Variants in VPS13B observed in about 807,000 individuals in gnomAD.
VPS13B encodes intermembrane lipid transfer protein VPS13B.
In VPS13B, 285 loss-of-function variants were observed where a neutral mutation model predicts 426.4. The observed-to-expected ratio is 0.67, with a 90% CI of 0.61 to 0.74. The LOEUF (loss-of-function observed/expected upper bound fraction) is 0.74, where lower values mean the gene tolerates loss of function less well. VPS13B is among the 30% of genes least tolerant of loss of function. The pLI is 0.00. For synonymous variants in VPS13B, 1,676 were observed against 1,676.4 expected (o/e 1.00, Z 0.01); for missense variants, 4,537 against 4,782.6 (o/e 0.95, Z 1.51).
intron 44 of VPS13B, among the ~76,000 whole-genome samples, chr8:99,814,844 G>A (rs1272920487): frequency 6.6e-6 from 1 of 152,130 alleles, no homozygotes; most frequent in African/African-American, 2.4e-5. Context: ...GTTATAAAGA[G>A]CAGCCCTTAC....
intron 39 of VPS13B, among the ~76,000 whole-genome samples, chr8:99,721,527 A>T (rs1400039305): frequency 1.3e-5 from 2 of 152,208 alleles, no homozygotes; most frequent in Admixed American, 1.3e-4. Context: ...ACCTGTGATC[A>T]TATTCCCTAA....
intron 6 of VPS13B, among the ~76,000 whole-genome samples, chr8:99,114,243 T>A (rs149824621): frequency 6.6e-6 from 1 of 152,220 alleles, no homozygotes; most frequent in African/African-American, 2.4e-5. Context: ...GGAGTGCCTA[T>A]GTCATACTCT....
chr8:99,361,631 G>T (rs895664552), intron 19 of VPS13B, among the ~76,000 whole-genome samples: 1 of 152,010 alleles, frequency 6.6e-6, no homozygotes, highest in African/African-American at 2.4e-5. Flanking sequence ...CTCTCCTTGC[G>T]CACAGGACAC....
At chr8:99,274,929 A>T in intron 18 of VPS13B, 152 bp from the exon 19 acceptor site, 1 of 656,184 alleles carries the variant, frequency 1.5e-6, no homozygotes, top group Non-Finnish European at 2.3e-6. Context: ...AATGCTTTAC[A>T]TTTTATGAGA....
intron 34 of VPS13B, among the ~76,000 whole-genome samples, chr8:99,649,237 T>G (rs1372618928): frequency 1.3e-5 from 2 of 152,148 alleles, no homozygotes; most frequent in South Asian, 2.1e-4. Flanking sequence ...CTGATCTTCT[T>G]GACTGTAAAT....
chr8:99,026,871 T>C (rs1490753092), intron 2 of VPS13B, among the ~76,000 whole-genome samples: 2 of 152,170 alleles, frequency 1.3e-5, no homozygotes, highest in Admixed American at 6.5e-5. Flanking sequence ...TCTTGTTTTA[T>C]TTATTTTTTT....
rs1474823992 is a variant in VPS13B at position 99,875,575 on chromosome 8, A to G, written c.11903A>G (p.Tyr3968Cys). The change falls in exon 62 of 62, where the codon TAC (tyrosine) becomes TGC (cysteine). Residue 3968 changes from tyrosine (Y) to cysteine (C), a missense_variant. By Grantham distance (194) the Tyr-to-Cys change is radical (BLOSUM62 -2). Coordinates refer to ENST00000357162, the MANE Select transcript of VPS13B (RefSeq NM_152564.5). ...AEPPPSTVKT[Y>C]HYLVDPHFAQ... Reference sequence around the variant, plus strand: ...CCTCCCCCCTCCACTGTTAAAACATACCATTACCTGGTTGATCCACATTTT... The same window carrying G: ...CCTCCCCCCTCCACTGTTAAAACATGCCATTACCTGGTTGATCCACATTTT... The G allele has an allele frequency of 6.2e-7, 1 of 1,614,154 alleles. No homozygotes were observed. The highest frequency in any genetic ancestry group is 8.5e-7 in the Non-Finnish European group (1 of 1,180,024).
At chr8:99,076,436 C>T (rs1845125515) in intron 3 of VPS13B, among the ~76,000 whole-genome samples, 2 of 151,968 alleles carry the variant, frequency 1.3e-5, no homozygotes, top group African/African-American at 4.8e-5. Context: ...ATGATATGTC[C>T]CATGCTGAGA....
intron 19 of VPS13B, among the ~76,000 whole-genome samples, chr8:99,328,391 C>CTA (rs1264152711): frequency 1.3e-5 from 2 of 152,120 alleles, no homozygotes; most frequent in African/African-American, 4.8e-5. Context: ...TCTGTGGGAA[C>CTA]TATTACTTTT....
intron 12 of VPS13B, among the ~76,000 whole-genome samples, chr8:99,139,672 C>T (rs866343319): frequency 5.9e-5 from 9 of 151,892 alleles, no homozygotes; most frequent in African/African-American, 1.9e-4. Flanking sequence ...CTCCTGACCT[C>T]GTGATCCACC....
intron 19 of VPS13B, among the ~76,000 whole-genome samples, chr8:99,361,520 C>G (rs569346832): frequency 6.6e-6 from 1 of 152,260 alleles, no homozygotes; most frequent in South Asian, 2.1e-4. Flanking sequence ...TCCTTAAAGA[C>G]CTGCTATAAA....
intron 17 of VPS13B, among the ~76,000 whole-genome samples, chr8:99,210,688 T>C (rs1033749969): frequency 7.2e-5 from 11 of 152,092 alleles, no homozygotes; most frequent in African/African-American, 2.7e-4. Context: ...TCACTGCAAC[T>C]TCAGCCTCCT....
At position 99,352,579 on chromosome 8, in the gene VPS13B, A is replaced by G. The variant is rs1020296610; in HGVS notation, c.2825-31629A>G. Among the ~76,000 whole-genome samples, 9 of 152,184 alleles carry G rather than the reference A, an allele frequency of 5.9e-5. 1 individual carries two copies. The highest frequency in any genetic ancestry group is 9.6e-5 in the African/African-American group (4 of 41,454). On this transcript the variant is annotated intron_variant, in intron 19 of 61. Transcript: ENST00000357162. Reference sequence around the variant, plus strand: ...CTGGGCGCAGTGGCTCACGCCTGTAATCCCAGCACTGAGGTGGGCAGATCG... The same window carrying G: ...CTGGGCGCAGTGGCTCACGCCTGTAGTCCCAGCACTGAGGTGGGCAGATCG...
At chr8:99,326,165 T>G (rs1039367510) in intron 19 of VPS13B, among the ~76,000 whole-genome samples, 4 of 152,118 alleles carry the variant, frequency 2.6e-5, no homozygotes, top group Admixed American at 2.0e-4. Context: ...GGGGAGATAG[T>G]GACTCAAATA....
chr8:99,029,614 A>G (rs1269356470), intron 2 of VPS13B, among the ~76,000 whole-genome samples: 1 of 152,090 alleles, frequency 6.6e-6, no homozygotes, highest in East Asian at 1.9e-4. Flanking sequence ...TCCACCAAAA[A>G]AAAAAACGAA....
At chr8:99,695,589 C>T (rs537873747) in intron 35 of VPS13B, among the ~76,000 whole-genome samples, 122 of 142,844 alleles carry the variant, frequency 8.5e-4, no homozygotes, top group African/African-American at 3.1e-3. Flanking sequence ...GGGAGATATA[C>T]CTAATGCTAG....
At chr8:99,734,553 C>T (rs1191203844) in intron 39 of VPS13B, among the ~76,000 whole-genome samples, 1 of 152,140 alleles carries the variant, frequency 6.6e-6, no homozygotes, top group African/African-American at 2.4e-5. Flanking sequence ...AGACTTAAAG[C>T]ATGATAGTGG....
chr8:99,122,136 G>A (rs932032873), intron 8 of VPS13B, among the ~76,000 whole-genome samples: 2 of 151,502 alleles, frequency 1.3e-5, no homozygotes, highest in African/African-American at 4.8e-5. Context: ...TAGGATTACA[G>A]GTGTTAGCTA....
chr8:99,465,133 G>A (rs1172435537), intron 23 of VPS13B, among the ~76,000 whole-genome samples: 2 of 152,088 alleles, frequency 1.3e-5, no homozygotes, highest in East Asian at 3.8e-4. Context: ...AATAGTATGT[G>A]GTTCTGGCCA....
Sources: gnomAD v4.1 joint callset for allele counts (sites outside exome capture counted in the v4.1 genomes callset) on GRCh38, gnomAD v4.1.1 for gene constraint, MANE v1.5 for transcripts, NCBI Gene and HGNC (gene_info 2026-07-23, HGNC 2026-07-21) for gene names.